Variants in LRRK1 observed in about 807,000 individuals in gnomAD.
LRRK1 encodes leucine-rich repeat serine/threonine-protein kinase 1.
Under a neutral mutation model 209.1 loss-of-function variants are expected in LRRK1, and 113 were observed. The observed-to-expected ratio is 0.54, with a 90% CI of 0.46 to 0.63. The LOEUF (loss-of-function observed/expected upper bound fraction) is 0.63. LRRK1 is among the 30% of genes least tolerant of loss of function. The pLI is 0.00. For synonymous variants in LRRK1, 1,144 were observed against 1,099.7 expected, an observed-to-expected ratio of 1.04 and a Z score of -0.80; for missense variants, 2,284 against 2,632.2, an observed-to-expected ratio of 0.87 and a Z score of 2.89.
In LRRK1 at chr15:101,029,159, A is replaced by G; in HGVS notation, c.2890A>G (p.Thr964Ala). 6.2e-7 allele frequency: 1 copy of G among 1,614,166 alleles called. No individual in the cohort carries two copies. The highest frequency in any genetic ancestry group is 8.5e-7 in the Non-Finnish European group (1 of 1,180,012). Residue 964 changes from threonine (T) to alanine (A), a missense_variant, in exon 20 of 34, where the codon ACG (threonine) becomes GCG (alanine). Coordinates refer to ENST00000388948, the MANE Select transcript of LRRK1 (RefSeq NM_024652.6). ...GATGCTGCTGGTGGGGACTGGCTTC[A>G]CGCAGCAGACGGAAGAGCAGTACTT... Reference protein sequence around the residue: ...LRMLLVGTGFTQQTEEQYFQF... With the variant: ...LRMLLVGTGFAQQTEEQYFQF...
Position 100,919,967 on chromosome 15 carries a change from G to C in LRRK1, c.-123+516G>C, listed in dbSNP as rs1441613816. 1 of 152,470 alleles carries C rather than the reference G, an allele frequency of 6.6e-6. No homozygotes were observed. Among genetic ancestry groups the C allele is most frequent in the East Asian group, 1.9e-4 (1 of 5,186 alleles). The allele number at this position is 152,470 out of a possible 1,614,324, so 9.4% of individuals were successfully genotyped here. A position where few individuals can be genotyped will look rare whatever the true frequency, so the allele number is the denominator to read the frequency against. ...CCTCTCGCTGGTCCGGGGCTTCCTGGGGTTGCGGGGCGGCCCAGCGAGGCT... is the reference window on the plus strand; with the variant it reads ...CCTCTCGCTGGTCCGGGGCTTCCTGCGGTTGCGGGGCGGCCCAGCGAGGCT... On this transcript the variant is annotated intron_variant, in intron 1 of 33. Transcript: ENST00000388948. The surrounding 1 kb of genome is among the most constrained non-coding windows in gnomAD (Gnocchi z 5.8).
chr15:100,981,714 C>G (rs144516503), intron 3 of LRRK1, among the ~76,000 whole-genome samples: 32 of 152,296 alleles, frequency 2.1e-4, no homozygotes, highest in Non-Finnish European at 4.3e-4. Context: ...CATAGAAATA[C>G]AGGCACATTC....
chr15:100,930,782 C>A (rs768742801), intron 2 of LRRK1, among the ~76,000 whole-genome samples: 1 of 152,242 alleles, frequency 6.6e-6, no homozygotes, highest in Non-Finnish European at 1.5e-5. Context: ...TTCACCCCTC[C>A]TGGTTTGCCT....
intron 3 of LRRK1, among the ~76,000 whole-genome samples, chr15:100,983,227 T>A (rs900650300): frequency 5.3e-5 from 8 of 152,228 alleles, no homozygotes; most frequent in Non-Finnish European, 8.8e-5. Context: ...AAAATGTTAA[T>A]ATTATTTAAC....
intron 2 of LRRK1, among the ~76,000 whole-genome samples, chr15:100,944,741 G>A (rs1486924378): frequency 2.6e-5 from 4 of 152,180 alleles, no homozygotes; most frequent in African/African-American, 9.7e-5. Context: ...GACATGCAGA[G>A]GAAAAGGAAG....
rs750927387 is a variant in LRRK1 at position 101,027,313 on chromosome 15, T to C, written c.2458T>C (p.Phe820Leu). Residue 820 changes from phenylalanine (F) to leucine (L), a missense_variant, in exon 18 of 34, where the codon TTC becomes CTC. Physicochemically the swap from Phe to Leu is conservative, Grantham distance 22 (BLOSUM62 0). Transcript: ENST00000388948. This position sits in a 1 kb window ranked among gnomAD's most constrained non-coding sequence, Gnocchi z 5.1. ...EGQEGLRQLI[F>L]HVTCSMKDVG... ...TCAGGAAGGGCTGCGACAGCTGATT[T>C]TCCACGTCACGTGCAGCATGAAGGA... 1 of 1,614,094 alleles carries C rather than the reference T, an allele frequency of 6.2e-7. No individual in the cohort carries two copies. The highest frequency in any genetic ancestry group is 1.1e-5 in the South Asian group (1 of 91,082).
intron 12 of LRRK1, 92 bp downstream of exon 12, chr15:101,015,494 G>A (rs1382745268): frequency 5.3e-6 from 5 of 937,714 alleles, no homozygotes; most frequent in Non-Finnish European, 8.3e-6. Context: ...CCTTATCTTG[G>A]GCCTTCCCCT....
At chr15:100,969,238 G>A (rs910283844) in intron 2 of LRRK1, among the ~76,000 whole-genome samples, 2 of 152,166 alleles carry the variant, frequency 1.3e-5, no homozygotes, top group African/African-American at 2.4e-5. Context: ...TTGAAAATAC[G>A]TTATTGTAGT....
intron 20 of LRRK1, among the ~76,000 whole-genome samples, chr15:101,030,748 TTTTG>T (rs1360383430): frequency 6.6e-6 from 1 of 152,216 alleles, no homozygotes; most frequent in African/African-American, 2.4e-5. Flanking sequence ...CTGCTTCTGT[TTTTG>T]TTTGTTTATT....
intron 12 of LRRK1, 57 bp from the exon 13 acceptor site, chr15:101,020,996 C>G: frequency 1.2e-6 from 2 of 1,605,038 alleles, no homozygotes. Context: ...CTGGTCACCA[C>G]GCTGTGACGG....
intron 29 of LRRK1, among the ~76,000 whole-genome samples, chr15:101,060,150 G>A (rs762111915): frequency 3.2e-4 from 48 of 152,248 alleles, no homozygotes; most frequent in African/African-American, 8.9e-4. Flanking sequence ...GGGAGCACAC[G>A]GGCAGCCAAG....
intron 2 of LRRK1, among the ~76,000 whole-genome samples, chr15:100,939,574 G>C (rs1036599328): frequency 6.6e-6 from 1 of 152,236 alleles, no homozygotes; most frequent in South Asian, 2.1e-4. Flanking sequence ...CTTTATAAAC[G>C]TCCTAATGGT....
At chr15:101,014,552 C>A (rs1479680963) in intron 11 of LRRK1, 124 bp downstream of exon 11, 3 of 687,406 alleles carry the variant, frequency 4.4e-6, no homozygotes, top group Non-Finnish European at 7.6e-6. Flanking sequence ...GGGGGCTTAA[C>A]AACAGAAATC....
rs766306718 is a variant in LRRK1, at chr15:100,973,776, C to A, written c.98-28C>A. ...AGCACGCGGGCAGTGGGCGGTGACG[C>A]CGTGTGTGTGTGCTTCCTCCCGCGC... On this transcript the variant is annotated intron_variant, in intron 2 of 33. Transcript: ENST00000388948. The A allele has an allele frequency of 1.9e-5, 24 of 1,267,704 alleles. No individual in the cohort carries two copies. The African/African-American group carries it at 3.6e-4, about 19-fold the overall frequency. The allele number at this position is 1,267,704 out of a possible 1,614,324, so 78.5% of individuals were successfully genotyped here.
At position 100,951,960 on chromosome 15, in the gene LRRK1, A is replaced by AT. The variant is rs201914554; in HGVS notation, c.98-21844_98-21843insT. Reference sequence around the variant, plus strand: ...AAGAGCGAAACTCCATCTCAGAAAAAAAAAAATAATAATAATAATAATAAT... The same window carrying AT: ...AAGAGCGAAACTCCATCTCAGAAAAATAAAAAATAATAATAATAATAATAAT... On this transcript the variant is annotated intron_variant, in intron 2 of 33. Transcript: ENST00000388948. Among the ~76,000 whole-genome samples, 1,127 of 137,330 alleles carry AT rather than the reference A, an allele frequency of 8.2e-3. 15 individuals carry two copies. The highest frequency in any genetic ancestry group is 0.027 in the African/African-American group (1,037 of 38,194). The allele number at this position is 137,330 out of a possible 152,430, so 90.1% of individuals were successfully genotyped here.
intron 3 of LRRK1, among the ~76,000 whole-genome samples, chr15:100,978,982 A>T (rs1200635160): frequency 6.6e-6 from 1 of 152,202 alleles, no homozygotes; most frequent in Non-Finnish European, 1.5e-5. Context: ...TGTGGATGCA[A>T]AAATTCTTCA....
intron 2 of LRRK1, among the ~76,000 whole-genome samples, chr15:100,962,609 C>T (rs1400801598): frequency 6.6e-6 from 1 of 150,396 alleles, no homozygotes; most frequent in Admixed American, 6.6e-5. Context: ...TTTTGTGTGT[C>T]CTTTAGATTT....
intron 20 of LRRK1, among the ~76,000 whole-genome samples, chr15:101,036,127 A>G (rs539520949): frequency 6.6e-6 from 1 of 152,302 alleles, no homozygotes; most frequent in South Asian, 2.1e-4. Flanking sequence ...GGATGTCTAA[A>G]TACCTTGCTA....
intron 11 of LRRK1, among the ~76,000 whole-genome samples, 174 bp from the exon 12 acceptor site, chr15:101,015,151 AG>A (rs1207016516): frequency 6.6e-6 from 1 of 151,832 alleles, no homozygotes; most frequent in Non-Finnish European, 1.5e-5. Context: ...CTCTGCGGGG[AG>A]GGGTGGGGGC....
Sources: gnomAD v4.1 joint callset for allele counts (sites outside exome capture counted in the v4.1 genomes callset) on GRCh38, gnomAD v4.1.1 for gene constraint, Gnocchi (gnomAD v3.1) non-coding constraint, MANE v1.5 for transcripts, NCBI Gene and HGNC (gene_info 2026-07-23, HGNC 2026-07-21) for gene names.